PKHD1: variants seen among roughly 807,000 people sequenced by gnomAD.
The protein encoded by PKHD1 is fibrocystin.
PKHD1 carries 291 observed loss-of-function variants against 412.0 expected under a neutral mutation model. The observed-to-expected ratio is 0.71, with a 90% CI of 0.64 to 0.78. The LOEUF (loss-of-function observed/expected upper bound fraction) is 0.78, where lower values mean the gene tolerates loss of function less well. PKHD1 is among the 30% of genes least tolerant of loss of function. The probability of loss-of-function intolerance (pLI) is 0.00; values close to 1 mark genes in which losing one functional copy is unlikely to be tolerated. For missense variants in PKHD1, 4,825 were observed against 4,950.7 expected (o/e 0.97, Z 0.76); for synonymous variants, 1,777 against 1,821.5 (o/e 0.98, Z 0.62).
chr6:51,847,847 G>A lies in PKHD1; in HGVS notation c.8035C>T (p.Leu2679Phe). 6.2e-7 allele frequency: 1 copy of A among 1,614,024 alleles called. No individual in the cohort carries two copies. Among genetic ancestry groups the A allele is most frequent in the East Asian group, 2.2e-5 (1 of 44,888 alleles). The change falls in exon 50 of 67, where the codon CTT becomes TTT. Residue 2679 changes from leucine (L) to phenylalanine (F), a missense_variant. Leu to Phe is a conservative substitution (Grantham distance 22, BLOSUM62 0). Transcript: ENST00000371117. ...GSRVGLSFPF[L>F]PSPGQNQGCD... The stretch of plus-strand genomic sequence containing the variant: ...CCTTGGTTCTGACCTGGTGATGGAA[G>A]AAATGGAAAAGACAGACCCACTCGA...
Position 52,025,742 on chromosome 6 carries a change from A to C in PKHD1, c.4068T>G (p.Leu1356=), listed in dbSNP as rs538903806. The C allele has an allele frequency of 8.7e-6, 14 of 1,614,016 alleles. No individual in the cohort carries two copies. Among genetic ancestry groups the C allele is most frequent in the Non-Finnish European group, 1.2e-5 (14 of 1,179,992 alleles). ...NVSLSGCSIP[L]HSLEAGIYPL... ...GATAGATGCCAGCCTCCAGACTGTG[A>C]AGAGGGATGGAGCATCCAGACAGGC... The change falls in exon 32 of 67, where the codon CTT becomes CTG. Residue 1356 remains leucine, a synonymous_variant. Transcript: ENST00000371117.
At chr6:51,967,810 G>C (rs1244040019) in intron 35 of PKHD1, among the ~76,000 whole-genome samples, 1 of 152,164 alleles carries the variant, frequency 6.6e-6, no homozygotes, top group Admixed American at 6.5e-5. Context: ...AGCGAGCATG[G>C]AGCACGTGTT....
intron 50 of PKHD1, 95 bp downstream of exon 50, chr6:51,847,679 TC>T (rs1771445047): frequency 1.1e-6 from 1 of 914,370 alleles, no homozygotes; most frequent in African/African-American, 1.6e-5. Flanking sequence ...CCCTTTCAGT[TC>T]CTCAGCACTT....
At chr6:52,072,010 C>T in intron 8 of PKHD1, 105 bp downstream of exon 8, 1 of 765,204 alleles carries the variant, frequency 1.3e-6, no homozygotes. Context: ...TTTAAAAAAA[C>T]AGATATATGG....
Position 51,748,116 on chromosome 6 carries a change from A to C in PKHD1, c.9500T>G (p.Ile3167Arg). 1 of 1,613,932 alleles carries C rather than the reference A, an allele frequency of 6.2e-7. No homozygotes were observed. The highest frequency in any genetic ancestry group is 1.7e-4 in the Middle Eastern group (1 of 6,060). The change falls in exon 58 of 67, where the codon ATA becomes AGA. Residue 3167 changes from isoleucine to arginine, a missense_variant. Ile to Arg is a moderately conservative substitution (Grantham distance 97). Transcript: ENST00000371117. The part of the protein sequence containing the change: ...AMLHVENSVE[I>R]ENITLVDNTI... Reference sequence around the variant, plus strand: ...ATTGTCTACCAGAGTAATGTTCTCTATCTCCACGCTGTTCTCTACATGTAA... The same window carrying C: ...ATTGTCTACCAGAGTAATGTTCTCTCTCTCCACGCTGTTCTCTACATGTAA...
intron 60 of PKHD1, among the ~76,000 whole-genome samples, chr6:51,715,714 C>G (rs1457582779): frequency 6.6e-6 from 1 of 152,102 alleles, no homozygotes; most frequent in Non-Finnish European, 1.5e-5. Context: ...AAATGTAGCA[C>G]CTACTAGAAA....
At chr6:51,979,101 G>C (rs894984190) in intron 35 of PKHD1, among the ~76,000 whole-genome samples, 7 of 152,170 alleles carry the variant, frequency 4.6e-5, no homozygotes. Context: ...AGGTAACCAA[G>C]TTGTGTCCAT....
At chr6:51,713,510 G>C (rs1309945301) in intron 60 of PKHD1, among the ~76,000 whole-genome samples, 1 of 152,210 alleles carries the variant, frequency 6.6e-6, no homozygotes, top group Non-Finnish European at 1.5e-5. Context: ...GGCAATGTAA[G>C]ACAGAAAAGA....
intron 43 of PKHD1, among the ~76,000 whole-genome samples, chr6:51,890,492 G>A (rs886537560): frequency 1.3e-5 from 2 of 151,406 alleles, no homozygotes; most frequent in Admixed American, 6.6e-5. Flanking sequence ...ATTCCAGAGA[G>A]AAATTAACTG....
In PKHD1 at chr6:51,695,393, T is replaced by C. The variant is rs1364293772; in HGVS notation, c.10157-35424A>G. Among the ~76,000 whole-genome samples the C allele has an allele frequency of 2.6e-5, 4 of 151,796 alleles. No homozygotes were observed. In the South Asian group the frequency reaches 8.3e-4, roughly 32 times the overall value. On this transcript the variant is annotated intron_variant, in intron 60 of 66. Transcript: ENST00000371117. ...ACTTAATACTGTTATTCCTGAAACA[T>C]AAATATTGCTTTGCCAGAGAAGAAG...
At chr6:51,996,609 T>G (rs547390722) in intron 35 of PKHD1, among the ~76,000 whole-genome samples, 39 of 152,366 alleles carry the variant, frequency 2.6e-4, no homozygotes, top group Middle Eastern at 3.4e-3. Context: ...CATTTGGTTG[T>G]TTGTTTGTTA....
chr6:51,664,324 GAGA>G (rs1022883605), intron 60 of PKHD1, among the ~76,000 whole-genome samples: 1 of 152,140 alleles, frequency 6.6e-6, no homozygotes, highest in African/African-American at 2.4e-5. Context: ...TTGAGAGGGA[GAGA>G]AGGAGACAGA....
chr6:52,033,093 T>C lies in PKHD1; in HGVS notation c.3301A>G (p.Thr1101Ala), dbSNP rs1803320455. ...DYSAVLPRAFTYVSSLNPVIV... is the reference protein window; with the variant it reads ...DYSAVLPRAFAYVSSLNPVIV... ...ACTGGATTTAAGGAAGAGACATATG[T>C]AAATGCTCTGGGAAGAACTGCAGAA... is the stretch of plus-strand genomic sequence containing the variant. Residue 1101 changes from threonine (T) to alanine (A), a missense_variant, in exon 29 of 67, where the codon ACA becomes GCA. By Grantham distance (58) the Thr-to-Ala change is moderately conservative. Coordinates refer to ENST00000371117, the MANE Select transcript of PKHD1 (RefSeq NM_138694.4). 6.2e-7 allele frequency: 1 copy of C among 1,610,910 alleles called. No homozygotes were observed. The highest frequency in any genetic ancestry group is 1.3e-5 in the African/African-American group (1 of 74,960).
chr6:51,641,406 C>T (rs1056665421), intron 63 of PKHD1, among the ~76,000 whole-genome samples: 1 of 152,126 alleles, frequency 6.6e-6, no homozygotes, highest in Non-Finnish European at 1.5e-5. Context: ...CAGGAAACAA[C>T]ATATGTGGAG....
At chr6:51,643,288 C>T (rs796483722) in intron 63 of PKHD1, among the ~76,000 whole-genome samples, 10 of 152,186 alleles carry the variant, frequency 6.6e-5, no homozygotes, top group African/African-American at 2.2e-4. Context: ...TTCTTAATGA[C>T]ATGCCTTGTG....
intron 49 of PKHD1, among the ~76,000 whole-genome samples, chr6:51,849,633 C>G (rs1771839068): frequency 6.6e-6 from 1 of 152,158 alleles, no homozygotes; most frequent in African/African-American, 2.4e-5. Context: ...ATGTGCATTT[C>G]TCTGATGATC....
chr6:51,704,330 T>C (rs924813253), intron 60 of PKHD1, among the ~76,000 whole-genome samples: 29 of 152,056 alleles, frequency 1.9e-4, no homozygotes, highest in Admixed American at 1.9e-3. Context: ...GAGGTTAGAT[T>C]ACAAAGCACA....
chr6:51,879,068 G>C lies in PKHD1; in HGVS notation c.7350+4025C>G, dbSNP rs1293449521. On this transcript the variant is annotated intron_variant, in intron 46 of 66. Transcript: ENST00000371117. ...AATCCAACTTACAAGGGATGTGAAG[G>C]ACCTCTTCAAGGAGAACTACAAACC... Among the ~76,000 whole-genome samples, 21 of 87,926 alleles carry C rather than the reference G, an allele frequency of 2.4e-4. 1 individual carries two copies. Among genetic ancestry groups the C allele is most frequent in the Non-Finnish European group, 3.7e-4 (18 of 48,828 alleles). 57.7% of individuals were successfully genotyped at this position (87,926 alleles called of 152,430 possible).
intron 35 of PKHD1, among the ~76,000 whole-genome samples, chr6:51,986,460 A>G (rs961714691): frequency 2.0e-5 from 3 of 152,262 alleles, no homozygotes; most frequent in Admixed American, 6.5e-5. Context: ...TGAGACTTGC[A>G]GTCTGACAGC....
Sources: allele counts gnomAD v4.1 joint callset (sites outside exome capture counted in the v4.1 genomes callset), GRCh38; gene constraint gnomAD v4.1.1; transcripts MANE v1.5; gene names NCBI Gene and HGNC (gene_info 2026-07-23, HGNC 2026-07-21).